The following CCDC68 variants were observed in gnomAD, a reference collection of about 807,000 sequenced individuals.
CCDC68 encodes coiled-coil domain-containing protein 68.
In CCDC68, 45 loss-of-function variants were observed where a neutral mutation model predicts 47.1. The observed-to-expected ratio is 0.96, with a 90% CI of 0.75 to 1.23. The LOEUF (loss-of-function observed/expected upper bound fraction) is 1.23. CCDC68 is among the 50% of genes most tolerant of loss of function. CCDC68 has a pLI of 0.00. For missense variants in CCDC68, 353 were observed against 373.6 expected (o/e 0.94, Z 0.45); for synonymous variants, 131 against 129.5 (o/e 1.01, Z -0.08).
At chr18:54,927,753 T>G (rs1390961890) in intron 8 of CCDC68, among the ~76,000 whole-genome samples, 2 of 152,234 alleles carry the variant, frequency 1.3e-5, no homozygotes, top group Admixed American at 6.5e-5. Context: ...AATAACATAT[T>G]GGTATCCTAG....
intron 1 of CCDC68, among the ~76,000 whole-genome samples, chr18:54,947,564 G>A (rs997594321): frequency 7.2e-5 from 11 of 152,184 alleles, no homozygotes; most frequent in Non-Finnish European, 1.6e-4. Context: ...TTCCTTAACA[G>A]TAAAATGAAA....
intron 7 of CCDC68, among the ~76,000 whole-genome samples, chr18:54,930,938 G>A (rs1248569936): frequency 2.0e-5 from 3 of 151,228 alleles, no homozygotes; most frequent in Admixed American, 6.6e-5. Flanking sequence ...GGCTGGTCTC[G>A]AACTCCTGAC....
intron 8 of CCDC68, among the ~76,000 whole-genome samples, chr18:54,928,403 C>T (rs1287360615): frequency 6.6e-6 from 1 of 152,096 alleles, no homozygotes; most frequent in Admixed American, 6.6e-5. Flanking sequence ...GTGGGCTGGC[C>T]AGTGTAATAT....
At chr18:54,940,472 T>A (rs184197713) in intron 4 of CCDC68, among the ~76,000 whole-genome samples, 23 of 152,372 alleles carry the variant, frequency 1.5e-4, no homozygotes, top group Admixed American at 1.2e-3. Flanking sequence ...TCTGTGGCCA[T>A]GCCTATAGTG....
intron 6 of CCDC68, 127 bp from the exon 7 acceptor site, chr18:54,935,075 C>T: frequency 1.6e-6 from 1 of 639,686 alleles, no homozygotes; most frequent in South Asian, 3.9e-5. Context: ...TAGAATTACT[C>T]TTTTGATTTC....
chr18:54,927,435 A>AT (rs201045012), intron 8 of CCDC68, among the ~76,000 whole-genome samples: 1,549 of 152,068 alleles, frequency 0.01, 36 homozygotes, highest in African/African-American at 0.035. Context: ...CCTATCACCA[A>AT]TTTTTTTTAA....
chr18:54,949,450 G>A (rs1315116493), intron 1 of CCDC68, among the ~76,000 whole-genome samples: 2 of 152,320 alleles, frequency 1.3e-5, no homozygotes, highest in East Asian at 3.9e-4. Flanking sequence ...AACAGGTCTA[G>A]CAGTGGCTAT....
chr18:54,955,494 T>C (rs2044696760), intron 1 of CCDC68, among the ~76,000 whole-genome samples: 1 of 152,182 alleles, frequency 6.6e-6, no homozygotes, highest in South Asian at 2.1e-4. Context: ...TCTGTTCTAC[T>C]AGAGAAATCT....
intron 8 of CCDC68, among the ~76,000 whole-genome samples, chr18:54,925,716 T>A (rs772763530): frequency 1.3e-5 from 2 of 152,170 alleles, no homozygotes; most frequent in Non-Finnish European, 2.9e-5. Context: ...CTGTGGGGAC[T>A]CATACTGCCT....
intron 8 of CCDC68, among the ~76,000 whole-genome samples, chr18:54,926,093 T>C (rs1479531591): frequency 6.6e-6 from 1 of 152,206 alleles, no homozygotes; most frequent in East Asian, 1.9e-4. Context: ...TTCAAGGTCT[T>C]TCCTCCTCTA....
chr18:54,948,707 T>C (rs747070292), intron 1 of CCDC68, among the ~76,000 whole-genome samples: 28 of 152,232 alleles, frequency 1.8e-4, no homozygotes, highest in Middle Eastern at 3.4e-3. Flanking sequence ...GGATTTTCAG[T>C]ACAAAGGGAG....
At position 54,904,105 on chromosome 18, in the gene CCDC68, A is replaced by G. The variant is rs868534118; in HGVS notation, c.*253T>C. On this transcript the variant is annotated 3_prime_UTR_variant, in exon 12 of 12. Transcript: ENST00000591504. Reference sequence around the variant, plus strand: ...TCAGATTTTTTTTTTTTTTTAATTTAAAGCAGAATCTGTCTTCCATCATGA... The same window carrying G: ...TCAGATTTTTTTTTTTTTTTAATTTGAAGCAGAATCTGTCTTCCATCATGA... 2.7e-5 allele frequency: 9 copies of G among 333,036 alleles called. No individual in the cohort carries two copies. In the East Asian group the frequency reaches 4.5e-4, roughly 17 times the overall value. The allele number at this position is 333,036 out of a possible 1,614,324, so 20.6% of individuals were successfully genotyped here. A position where few individuals can be genotyped will look rare whatever the true frequency, so the allele number is the denominator to read the frequency against.
rs747345822 is a variant in CCDC68, at chr18:54,917,967, T to C, written c.819A>G (p.Glu273=). The C allele has an allele frequency of 6.7e-5, 103 of 1,546,564 alleles. No individual in the cohort carries two copies. The highest frequency in any genetic ancestry group is 8.6e-5 in the Non-Finnish European group (97 of 1,124,234). The change falls in exon 10 of 12, where the codon GAA becomes GAG. Residue 273 remains glutamate, a synonymous_variant. Coordinates refer to ENST00000591504, the MANE Select transcript of CCDC68 (RefSeq NM_025214.3). The stretch of plus-strand genomic sequence containing the variant: ...TGAGATTTTCAATTCTTTTGTCTTG[T>C]TCTTTTAAATTATTTTTTAATCCTT... ...EMEGLKNNLK[E]QDKRIENLRE...
At chr18:54,949,766 T>C (rs898571664) in intron 1 of CCDC68, among the ~76,000 whole-genome samples, 3 of 152,166 alleles carry the variant, frequency 2.0e-5, no homozygotes, top group Non-Finnish European at 4.4e-5. Flanking sequence ...GGACAACATC[T>C]AGAATCAGCC....
At chr18:54,958,739 G>A (rs185858576) in intron 1 of CCDC68, among the ~76,000 whole-genome samples, 1 of 152,124 alleles carries the variant, frequency 6.6e-6, no homozygotes, top group African/African-American at 2.4e-5. Flanking sequence ...GTGTTCCTTT[G>A]TCTAGCCGCC....
chr18:54,915,727 G>A (rs2043936161), intron 10 of CCDC68, among the ~76,000 whole-genome samples: 1 of 152,108 alleles, frequency 6.6e-6, no homozygotes, highest in African/African-American at 2.4e-5. Context: ...TCAGGAGTTT[G>A]AGACCAGCCT....
intron 2 of CCDC68, among the ~76,000 whole-genome samples, chr18:54,944,248 G>T (rs1362440699): frequency 6.6e-6 from 1 of 151,898 alleles, no homozygotes. Context: ...ATCCAGGTCT[G>T]GGGTAAGAAA....
intron 8 of CCDC68, among the ~76,000 whole-genome samples, chr18:54,921,039 T>C (rs1341787098): frequency 6.6e-6 from 1 of 152,236 alleles, no homozygotes; most frequent in Non-Finnish European, 1.5e-5. Context: ...ATTGTGCCTT[T>C]TGCAGCAACG....
rs766536811 is a variant in CCDC68, at chr18:54,934,931, T to C, written c.489A>G (p.Lys163=). Residue 163 remains lysine, a synonymous_variant, in exon 7 of 12, where the codon AAA becomes AAG. Coordinates refer to ENST00000591504, the MANE Select transcript of CCDC68 (RefSeq NM_025214.3). ...CAACATGTTGTTTCAATTTCTGTTC[T>C]TTTTCAAGCTTGTTAACCTATGGTC... The part of the protein sequence containing the change: ...KQLLQVNKLE[K]EQKLKQHVEN... 1 of 1,593,152 alleles carries C rather than the reference T, an allele frequency of 6.3e-7. No individual in the cohort carries two copies. The highest frequency in any genetic ancestry group is 1.1e-5 in the South Asian group (1 of 87,422).
Sources: allele counts gnomAD v4.1 joint callset (sites outside exome capture counted in the v4.1 genomes callset), GRCh38; gene constraint gnomAD v4.1.1; transcripts MANE v1.5; gene names NCBI Gene and HGNC (gene_info 2026-07-23, HGNC 2026-07-21).